RPS6KC1: variants seen among roughly 807,000 people sequenced by gnomAD.
RPS6KC1 encodes the protein inactive ribosomal protein S6 kinase delta-1.
RPS6KC1 carries 54 observed loss-of-function variants against 103.8 expected under a neutral mutation model. The ratio of observed to expected loss-of-function variants is 0.52; its 90% confidence interval spans 0.42 to 0.65. The LOEUF is 0.65. Among genes scored for constraint, RPS6KC1 ranks in the 30% least tolerant of loss-of-function variants. The probability of loss-of-function intolerance (pLI) is 0.00; values close to 1 mark genes in which losing one functional copy is unlikely to be tolerated. For missense variants in RPS6KC1, 1,151 were observed against 1,253.8 expected (o/e 0.92, Z 1.24); for synonymous variants, 439 against 438.7 (o/e 1.00, Z -0.01).
chr1:213,772,315 C>G, the RPS6KC1 span, among the ~76,000 whole-genome samples: 1 of 152,166 alleles, frequency 6.6e-6, no homozygotes. Flanking sequence ...GTTGTGGTAA[C>G]CCCAGGTGAC....
At chr1:213,182,295 C>T (rs2092308704) in intron 8 of RPS6KC1, among the ~76,000 whole-genome samples, 1 of 152,012 alleles carries the variant, frequency 6.6e-6, no homozygotes, top group African/African-American at 2.4e-5. Context: ...AATTTGAGAC[C>T]AGCCTGGCCA....
chr1:213,332,550 G>A, the RPS6KC1 span, among the ~76,000 whole-genome samples: 1 of 152,192 alleles, frequency 6.6e-6, no homozygotes, highest in Non-Finnish European at 1.5e-5. Flanking sequence ...CCTGAGAGAG[G>A]CCTATAGGAA....
the RPS6KC1 span, among the ~76,000 whole-genome samples, chr1:213,379,498 C>T: frequency 1.1e-4 from 17 of 152,178 alleles, no homozygotes; most frequent in Non-Finnish European, 1.8e-4. Flanking sequence ...GAACAGATTC[C>T]GCCTTAGCCC....
the RPS6KC1 span, among the ~76,000 whole-genome samples, chr1:213,423,277 G>A: frequency 2.0e-5 from 3 of 152,238 alleles, no homozygotes; most frequent in Non-Finnish European, 4.4e-5. Flanking sequence ...GGATGAGAGA[G>A]AAATGCGCCT....
chr1:213,385,128 C>T, the RPS6KC1 span, among the ~76,000 whole-genome samples: 3 of 152,144 alleles, frequency 2.0e-5, no homozygotes, highest in Non-Finnish European at 4.4e-5. Context: ...ATGACAGCAG[C>T]AGTAACTTTA....
At chr1:213,553,261 A>G in the RPS6KC1 span, among the ~76,000 whole-genome samples, 1 of 151,996 alleles carries the variant, frequency 6.6e-6, no homozygotes, top group Non-Finnish European at 1.5e-5. Flanking sequence ...AGCTTATGGT[A>G]TTTGGTTTTC....
chr1:213,470,202 T>A, the RPS6KC1 span, among the ~76,000 whole-genome samples: 1 of 152,200 alleles, frequency 6.6e-6, no homozygotes, highest in East Asian at 1.9e-4. Context: ...TATGGCTGAG[T>A]CTCTTTCAAT....
rs140051741 is a variant in RPS6KC1 at position 213,063,021 on chromosome 1, C to G, written c.106-7985C>G. On this transcript the variant is annotated intron_variant, in intron 1 of 14. Coordinates refer to ENST00000366960, the MANE Select transcript of RPS6KC1 (RefSeq NM_012424.6). ...AGCCTCACAGTCTGATCTTTGTTTT[C>G]AGAATAGGCAAGGGGGCTGACTTTG... is the stretch of plus-strand genomic sequence containing the variant. Among the ~76,000 whole-genome samples, 20 of 152,304 alleles carry G rather than the reference C, an allele frequency of 1.3e-4. No homozygotes were observed. The East Asian group carries it at 3.9e-3, about 29-fold the overall frequency.
At chr1:213,096,859 T>TG (rs924235675) in intron 3 of RPS6KC1, among the ~76,000 whole-genome samples, 3 of 152,054 alleles carry the variant, frequency 2.0e-5, no homozygotes, top group Admixed American at 2.0e-4. Context: ...GTTGGGTAAT[T>TG]GGGGGTGAGG....
chr1:213,322,729 T>A, the RPS6KC1 span, among the ~76,000 whole-genome samples: 1 of 151,918 alleles, frequency 6.6e-6, no homozygotes, highest in Non-Finnish European at 1.5e-5. Flanking sequence ...TCCTCCATTT[T>A]CTTTCTCCTT....
At chr1:213,344,726 G>C in the RPS6KC1 span, among the ~76,000 whole-genome samples, 6 of 152,134 alleles carry the variant, frequency 3.9e-5, no homozygotes, top group Non-Finnish European at 8.8e-5. Context: ...GTAGAGACGA[G>C]GTTTTGCCAT....
At chr1:213,093,505 C>T (rs1184908732) in intron 3 of RPS6KC1, among the ~76,000 whole-genome samples, 1 of 152,130 alleles carries the variant, frequency 6.6e-6, no homozygotes, top group Non-Finnish European at 1.5e-5. Context: ...CCACTGCACC[C>T]AGCCAATCAT....
the RPS6KC1 span, among the ~76,000 whole-genome samples, chr1:213,496,065 A>G: frequency 6.6e-6 from 1 of 152,210 alleles, no homozygotes; most frequent in African/African-American, 2.4e-5. Flanking sequence ...AGTTAGGGAA[A>G]TACACACTTT....
At chr1:213,753,475 C>T in the RPS6KC1 span, among the ~76,000 whole-genome samples, 1 of 152,142 alleles carries the variant, frequency 6.6e-6, no homozygotes, top group Non-Finnish European at 1.5e-5. Context: ...AAATAAGAAG[C>T]CCATTCCTGG....
At chr1:213,807,105 GC>G in the RPS6KC1 span, among the ~76,000 whole-genome samples, 1 of 151,146 alleles carries the variant, frequency 6.6e-6, no homozygotes, top group Admixed American at 6.6e-5. Context: ...TTGAATATTG[GC>G]CCCCACTCTC....
At chr1:213,406,777 A>C in the RPS6KC1 span, among the ~76,000 whole-genome samples, 1 of 152,202 alleles carries the variant, frequency 6.6e-6, no homozygotes, top group Non-Finnish European at 1.5e-5. Flanking sequence ...AATGATGATG[A>C]GGCAGCCCTA....
the RPS6KC1 span, among the ~76,000 whole-genome samples, chr1:213,487,347 C>T: frequency 6.6e-6 from 1 of 152,086 alleles, no homozygotes; most frequent in Non-Finnish European, 1.5e-5. Flanking sequence ...AGTGAGCCCA[C>T]ATCATACTCC....
At chr1:213,262,914 A>C (rs970083163) in intron 14 of RPS6KC1, 98 bp downstream of exon 14, 2 of 772,296 alleles carry the variant, frequency 2.6e-6, no homozygotes, top group African/African-American at 3.5e-5. Flanking sequence ...GGAGCAAGAA[A>C]AACCCATTTA....
intron 8 of RPS6KC1, among the ~76,000 whole-genome samples, chr1:213,220,556 C>A (rs1329945345): frequency 3.9e-5 from 6 of 152,182 alleles, no homozygotes; most frequent in Non-Finnish European, 8.8e-5. Context: ...GAACTCCTGG[C>A]CTCAGCAATC....
Sources: allele counts gnomAD v4.1 joint callset (sites outside exome capture counted in the v4.1 genomes callset), GRCh38; gene constraint gnomAD v4.1.1; transcripts MANE v1.5; gene names NCBI Gene and HGNC (gene_info 2026-07-23, HGNC 2026-07-21).